RALGPS1: variants seen among roughly 807,000 people sequenced by gnomAD.
RALGPS1 encodes ras-specific guanine nucleotide-releasing factor RalGPS1.
A neutral mutation model predicts 78.8 loss-of-function variants in RALGPS1; 19 were observed. That is an observed-to-expected ratio of 0.24 (90% CI 0.17 to 0.35). The LOEUF (loss-of-function observed/expected upper bound fraction) is 0.35. Among genes scored for constraint, RALGPS1 ranks in the 10% least tolerant of loss-of-function variants. RALGPS1 has a pLI of 1.00. For synonymous variants in RALGPS1, 228 were observed against 256.3 expected (o/e 0.89, Z 1.06); for missense variants, 454 against 688.3 (o/e 0.66, Z 3.81).
chr9:127,020,980 T>C (rs1182563858), intron 4 of RALGPS1, among the ~76,000 whole-genome samples: 1 of 152,222 alleles, frequency 6.6e-6, no homozygotes, highest in African/African-American at 2.4e-5. Flanking sequence ...ATTACTGACA[T>C]TGTGCCTGAC....
intron 4 of RALGPS1, among the ~76,000 whole-genome samples, chr9:127,010,771 A>G (rs1027280219): frequency 1.3e-5 from 2 of 152,206 alleles, no homozygotes; most frequent in African/African-American, 4.8e-5. Flanking sequence ...ACGTTAGTGC[A>G]GCCTTTAGTT....
At chr9:127,177,658 T>C (rs967485441) in intron 11 of RALGPS1, among the ~76,000 whole-genome samples, 7 of 151,998 alleles carry the variant, frequency 4.6e-5, no homozygotes, top group African/African-American at 1.7e-4. Flanking sequence ...GAACAGGAGG[T>C]TGCAGACCTG....
At chr9:127,164,562 CAG>C (rs1247345105) in intron 8 of RALGPS1, among the ~76,000 whole-genome samples, 13 of 78,048 alleles carry the variant, frequency 1.7e-4, no homozygotes, top group African/African-American at 5.5e-4. Context: ...TTTTTTGAGA[CAG>C]AGTCTTGCTC....
Position 127,217,220 on chromosome 9 carries a change from A to G in RALGPS1, c.1645-1520A>G, listed in dbSNP as rs1020832080. The stretch of plus-strand genomic sequence containing the variant: ...TACAAGTTTTAAGGATTTTTGTCTG[A>G]TTTTCAGACCTGGAGGAGGGGATTT... On this transcript the variant is annotated intron_variant, in intron 18 of 18. Transcript: ENST00000259351. The G allele has an allele frequency of 2.5e-6, 3 of 1,220,740 alleles. No homozygotes were observed. In the African/African-American group the frequency reaches 4.7e-5, roughly 19 times the overall value. 75.6% of individuals were successfully genotyped at this position (1,220,740 alleles called of 1,614,324 possible).
intron 5 of RALGPS1, among the ~76,000 whole-genome samples, chr9:127,047,674 C>T (rs1159997848): frequency 1.4e-5 from 2 of 146,728 alleles, no homozygotes; most frequent in Admixed American, 6.9e-5. Context: ...ACTCCAGCCT[C>T]GGTGACAGAG....
chr9:127,040,070 G>A (rs967157292), intron 5 of RALGPS1, among the ~76,000 whole-genome samples: 4 of 152,126 alleles, frequency 2.6e-5, no homozygotes, highest in Non-Finnish European at 4.4e-5. Flanking sequence ...TTTTGGAAGG[G>A]TCAAGATGCA....
At chr9:127,070,565 C>T (rs1358148656) in intron 8 of RALGPS1, among the ~76,000 whole-genome samples, 3 of 152,192 alleles carry the variant, frequency 2.0e-5, no homozygotes, top group Non-Finnish European at 4.4e-5. Flanking sequence ...TCCCACATTA[C>T]AAATACTATG....
intron 8 of RALGPS1, among the ~76,000 whole-genome samples, chr9:127,134,618 A>G (rs1048719843): frequency 1.2e-4 from 19 of 152,336 alleles, no homozygotes; most frequent in African/African-American, 4.3e-4. Flanking sequence ...GCCCTAGAAA[A>G]GAGAAAAATC....
chr9:127,091,919 C>T lies in RALGPS1; in HGVS notation c.610+22563C>T, dbSNP rs750329815. Reference sequence around the variant, plus strand: ...TTCTCCAGGCCCAGCCAGTATTCGCCGTCAATGTTCCCAAACCCTTGCTGG... The same window carrying T: ...TTCTCCAGGCCCAGCCAGTATTCGCTGTCAATGTTCCCAAACCCTTGCTGG... On this transcript the variant is annotated intron_variant, in intron 8 of 18. Transcript: ENST00000259351. The surrounding 1 kb of genome is among the most constrained non-coding windows in gnomAD (Gnocchi z 4.3). The T allele has an allele frequency of 6.2e-6, 10 of 1,614,060 alleles. No homozygotes were observed. The highest frequency in any genetic ancestry group is 4.5e-5 in the East Asian group (2 of 44,870).
intron 1 of RALGPS1, among the ~76,000 whole-genome samples, chr9:126,929,500 G>A (rs1309760923): frequency 6.6e-6 from 1 of 152,110 alleles, no homozygotes; most frequent in Non-Finnish European, 1.5e-5. Flanking sequence ...TGACCAGGCT[G>A]GAGTGCAGTG....
intron 8 of RALGPS1, among the ~76,000 whole-genome samples, chr9:127,163,519 T>C (rs1160378943): frequency 6.6e-6 from 1 of 152,224 alleles, no homozygotes. Flanking sequence ...TATTAGCATA[T>C]GTTTCTGTGA....
chr9:127,174,121 T>G (rs886728558), intron 10 of RALGPS1, among the ~76,000 whole-genome samples: 4 of 150,402 alleles, frequency 2.7e-5, no homozygotes, highest in African/African-American at 9.8e-5. Context: ...TTAGCTGGGG[T>G]TGGGGACGCA....
In RALGPS1 at chr9:126,945,413, A is replaced by G. The variant is rs1263838467; in HGVS notation, c.-65-16812A>G. Among the ~76,000 whole-genome samples, 7 of 152,134 alleles carry G rather than the reference A, an allele frequency of 4.6e-5. No individual in the cohort carries two copies. In the East Asian group the frequency reaches 1.3e-3, roughly 29 times the overall value. On this transcript the variant is annotated intron_variant, in intron 1 of 18. Coordinates refer to ENST00000259351, the MANE Select transcript of RALGPS1 (RefSeq NM_014636.3). ...CGGGGTTTCGCCATGTTAGCCAGGC[A>G]GATCTCGAACTCCTGACTTCGTGAT...
intron 1 of RALGPS1, among the ~76,000 whole-genome samples, chr9:126,956,244 CAG>C (rs757342169): frequency 5.9e-5 from 9 of 151,938 alleles, no homozygotes; most frequent in South Asian, 4.2e-4. Context: ...AAGCTGTTCT[CAG>C]GGCGGGGCTA....
At chr9:126,936,998 GCAC>G (rs1267671416) in intron 1 of RALGPS1, among the ~76,000 whole-genome samples, 1 of 152,032 alleles carries the variant, frequency 6.6e-6, no homozygotes, top group Non-Finnish European at 1.5e-5. Context: ...TTACAGGTAT[GCAC>G]CACCAGACCC....
intron 8 of RALGPS1, among the ~76,000 whole-genome samples, chr9:127,142,352 C>T (rs1364897277): frequency 6.6e-6 from 1 of 152,138 alleles, no homozygotes; most frequent in Non-Finnish European, 1.5e-5. Context: ...CCACACTATG[C>T]TGCGAGTGGT....
chr9:127,049,068 C>T (rs2048064706), intron 5 of RALGPS1, among the ~76,000 whole-genome samples: 1 of 152,144 alleles, frequency 6.6e-6, no homozygotes, highest in Non-Finnish European at 1.5e-5. Context: ...CTATATTTTT[C>T]CCTATAAAGT....
chr9:126,996,489 T>C (rs1472586927), intron 4 of RALGPS1, among the ~76,000 whole-genome samples: 62 of 152,142 alleles, frequency 4.1e-4, no homozygotes, highest in Admixed American at 3.9e-3. Context: ...CAGGAAGAAG[T>C]TGAATCTCTG....
chr9:127,148,642 TG>T (rs971572135), intron 8 of RALGPS1, among the ~76,000 whole-genome samples: 4 of 152,042 alleles, frequency 2.6e-5, no homozygotes, highest in African/African-American at 9.7e-5. Context: ...GGTCAGCCAG[TG>T]GGGTGGGTGT....
Sources: gnomAD v4.1 joint callset for allele counts (sites outside exome capture counted in the v4.1 genomes callset) on GRCh38, gnomAD v4.1.1 for gene constraint, Gnocchi (gnomAD v3.1) non-coding constraint, MANE v1.5 for transcripts, NCBI Gene and HGNC (gene_info 2026-07-23, HGNC 2026-07-21) for gene names.